TPO: variants seen among roughly 807,000 people sequenced by gnomAD.
The protein encoded by TPO is thyroid microsomal antigen.
Under a neutral mutation model 96.9 loss-of-function variants are expected in TPO, and 78 were observed. That is an observed-to-expected ratio of 0.81 (90% CI 0.67 to 0.97). The LOEUF is 0.97. Ranked by LOEUF, TPO falls within the 50% of genes least tolerant of loss-of-function variation. The pLI, the probability that TPO is intolerant of heterozygous loss-of-function variation, is 0.00. For synonymous variants in TPO, 547 were observed against 538.0 expected (o/e 1.02, Z -0.23); for missense variants, 1,252 against 1,274.8 (o/e 0.98, Z 0.27).
At chr2:1,441,511 T>A (rs73170227) in intron 5 of TPO, among the ~76,000 whole-genome samples, 2 of 151,866 alleles carry the variant, frequency 1.3e-5, no homozygotes, top group African/African-American at 4.8e-5. Context: ...GGGGTGAAGG[T>A]GTTTTGGTAG....
At position 1,477,572 on chromosome 2, in the gene TPO, G is replaced by T; in HGVS notation, c.1306G>T (p.Glu436Ter). 1 of 1,537,546 alleles carries T rather than the reference G, an allele frequency of 6.5e-7. No individual in the cohort carries two copies. Residue 436 changes from glutamate to a stop codon, truncating the protein, a stop_gained, in exon 8 of 17, where the codon GAG becomes TAG. Transcript: ENST00000329066. LOFTEE classifies it high-confidence loss of function. ...AHWSADAVYQ[E>*]ARKVVGALHQ... ...CTGGAGCGCGGACGCCGTGTACCAGGAGGCGCGCAAGGTCGTGGGCGCTCT... is the reference window on the plus strand; with the variant it reads ...CTGGAGCGCGGACGCCGTGTACCAGTAGGCGCGCAAGGTCGTGGGCGCTCT...
chr2:1,404,239 C>T (rs1054347471), intron 1 of TPO, among the ~76,000 whole-genome samples: 7 of 152,134 alleles, frequency 4.6e-5, no homozygotes, highest in Non-Finnish European at 8.8e-5. Flanking sequence ...CTGTGTTGCA[C>T]GCTGTCTCAA....
chr2:1,508,572 T>C (rs1222071292), intron 14 of TPO, among the ~76,000 whole-genome samples: 1 of 152,226 alleles, frequency 6.6e-6, no homozygotes, highest in Admixed American at 6.5e-5. Context: ...AGCCTGTTAT[T>C]GGTCTATTCA....
chr2:1,504,506 CCCACCT>C (rs1281697418), intron 14 of TPO, among the ~76,000 whole-genome samples: 1 of 152,236 alleles, frequency 6.6e-6, no homozygotes, highest in Non-Finnish European at 1.5e-5. Context: ...TGCCTGTTCT[CCCACCT>C]CCACCTCCGG....
Position 1,489,788 on chromosome 2 carries a change from A to G in TPO, c.1768+1797A>G, listed in dbSNP as rs143245666. Among the ~76,000 whole-genome samples, 129 of 152,344 alleles carry G rather than the reference A, an allele frequency of 8.5e-4. 1 individual carries two copies. Among genetic ancestry groups the G allele is most frequent in the Non-Finnish European group, 1.7e-3 (114 of 68,040 alleles). On this transcript the variant is annotated intron_variant, in intron 10 of 16. Coordinates refer to ENST00000329066, the MANE Select transcript of TPO (RefSeq NM_001206744.2). ...TTGTGTTCAGAAGACCTGGGATTGG[A>G]CCTGAGGAGTTCAATTTTGGATGAA...
At chr2:1,472,726 T>C (rs968913701) in intron 7 of TPO, among the ~76,000 whole-genome samples, 1 of 148,328 alleles carries the variant, frequency 6.7e-6, no homozygotes, top group Non-Finnish European at 1.5e-5. Flanking sequence ...AAAAATTCTG[T>C]GACCCTCACA....
chr2:1,512,185 C>T (rs979911115), intron 14 of TPO, among the ~76,000 whole-genome samples: 3 of 152,288 alleles, frequency 2.0e-5, no homozygotes, highest in East Asian at 1.9e-4. Flanking sequence ...AGGCGCCCGC[C>T]ACCACGCCCG....
chr2:1,515,848 A>T (rs28913003), intron 14 of TPO, among the ~76,000 whole-genome samples: 30,800 of 151,926 alleles, frequency 0.2, 3,435 homozygotes, highest in African/African-American at 0.3. Context: ...CCCAGAGCCT[A>T]TCTTCAACCA....
intron 15 of TPO, among the ~76,000 whole-genome samples, chr2:1,538,248 A>G (rs1680307509): frequency 1.4e-5 from 2 of 147,888 alleles, no homozygotes; most frequent in African/African-American, 5.4e-5. Context: ...TCAATTAGTA[A>G]GAGTGCAGTT....
At chr2:1,489,650 C>CTGAATGAATGAATGAATGAA (rs59667255) in intron 10 of TPO, among the ~76,000 whole-genome samples, 112 of 150,404 alleles carry the variant, frequency 7.4e-4, no homozygotes, top group Admixed American at 1.8e-3. Flanking sequence ...GGAACCCTCA[C>CTGAATGAATGAATGAATGAA]TGAATGAATG....
At chr2:1,498,372 A>G (rs536367890) in intron 13 of TPO, among the ~76,000 whole-genome samples, 1 of 152,312 alleles carries the variant, frequency 6.6e-6, no homozygotes, top group East Asian at 1.9e-4. Context: ...AGAAGGGATG[A>G]GGAGAGGAAG....
At chr2:1,406,326 T>TA (rs1274231021) in intron 1 of TPO, among the ~76,000 whole-genome samples, 2 of 152,252 alleles carry the variant, frequency 1.3e-5, no homozygotes, top group African/African-American at 4.8e-5. Context: ...GTATTGGGCT[T>TA]AAAAAAGTAC....
chr2:1,436,407 ATCT>A (rs767094521), intron 5 of TPO, 23 bp downstream of exon 5: 1 of 1,614,116 alleles, frequency 6.2e-7, no homozygotes, highest in South Asian at 1.1e-5. Context: ...GATTTTCTTA[ATCT>A]TCTCGTGAAA....
At chr2:1,530,061 T>C (rs1451700840) in intron 15 of TPO, among the ~76,000 whole-genome samples, 25 of 70,864 alleles carry the variant, frequency 3.5e-4, no homozygotes, top group Admixed American at 6.1e-4. Context: ...TCCCCAAGTC[T>C]CCCACACTCT....
intron 14 of TPO, among the ~76,000 whole-genome samples, chr2:1,509,990 A>T (rs906344499): frequency 2.0e-5 from 3 of 151,770 alleles, no homozygotes; most frequent in Non-Finnish European, 4.4e-5. Context: ...GGGACACCAC[A>T]CCCTCTTGTT....
Position 1,400,430 on chromosome 2 carries a change from T to A in TPO, n.180+26028T>A, listed in dbSNP as rs567152573. Among the ~76,000 whole-genome samples, 5 of 150,724 alleles carry A rather than the reference T, an allele frequency of 3.3e-5. No individual in the cohort carries two copies. The South Asian group carries it at 1.0e-3, about 31-fold the overall frequency. ...ATTGCTTGAATTTGGGAGGCAAAGA[T>A]TGCAGTGAGCTGAGATCACACCATT... On this transcript the variant is annotated intron_variant and non_coding_transcript_variant, in intron 1 of 5. Transcript: ENST00000497517.
chr2:1,375,732 A>G (rs1332710565), intron 1 of TPO, among the ~76,000 whole-genome samples: 3 of 152,004 alleles, frequency 2.0e-5, no homozygotes, highest in Non-Finnish European at 4.4e-5. Context: ...CCGTGTCTAC[A>G]TCGTCCTTAT....
At chr2:1,526,382 GC>G (rs1483860069) in intron 15 of TPO, among the ~76,000 whole-genome samples, 1 of 21,754 alleles carries the variant, frequency 4.6e-5, no homozygotes, top group Non-Finnish European at 8.0e-5. Flanking sequence ...CCCCCCAAAT[GC>G]CCCCCAATGT....
chr2:1,389,791 A>G (rs1661968962), intron 1 of TPO, among the ~76,000 whole-genome samples: 1 of 152,124 alleles, frequency 6.6e-6, no homozygotes, highest in Non-Finnish European at 1.5e-5. Flanking sequence ...CTTTTCCACA[A>G]CACAGCCTCC....
Sources: allele counts gnomAD v4.1 joint callset (sites outside exome capture counted in the v4.1 genomes callset), GRCh38; gene constraint gnomAD v4.1.1; transcripts MANE v1.5; gene names NCBI Gene and HGNC (gene_info 2026-07-23, HGNC 2026-07-21).